The following C1QTNF3 variants were observed in gnomAD, a reference collection of about 807,000 sequenced individuals.
The protein encoded by C1QTNF3 is C1q and TNF related 3, also known as complement C1q tumor necrosis factor-related protein 3.
A neutral mutation model predicts 32.6 loss-of-function variants in C1QTNF3; 26 were observed. The observed-to-expected ratio is 0.80, with a 90% CI of 0.58 to 1.11. The LOEUF (loss-of-function observed/expected upper bound fraction) is 1.11, where lower values mean the gene tolerates loss of function less well. C1QTNF3 is among the 50% of genes least tolerant of loss of function. C1QTNF3 has a pLI of 0.00. For synonymous variants in C1QTNF3, 155 were observed against 146.0 expected, an observed-to-expected ratio of 1.06 and a Z score of -0.44; for missense variants, 362 against 398.2, an observed-to-expected ratio of 0.91 and a Z score of 0.77.
chr5:34,201,417 C>T, the C1QTNF3 span, among the ~76,000 whole-genome samples: 42 of 152,214 alleles, frequency 2.8e-4, no homozygotes, highest in African/African-American at 9.4e-4. Context: ...TTTTCCAAAA[C>T]GCTCTACTTT....
At chr5:34,076,025 GAC>G in the C1QTNF3 span, among the ~76,000 whole-genome samples, 1 of 151,568 alleles carries the variant, frequency 6.6e-6, no homozygotes, top group Non-Finnish European at 1.5e-5. Context: ...GTCACAAAAA[GAC>G]AAACACTGAA....
chr5:34,215,265 C>T, the C1QTNF3 span, among the ~76,000 whole-genome samples: 3 of 152,072 alleles, frequency 2.0e-5, no homozygotes, highest in South Asian at 6.2e-4. Flanking sequence ...GACATATGTC[C>T]TGTGTAAGCC....
the C1QTNF3 span, among the ~76,000 whole-genome samples, chr5:34,129,202 T>C: frequency 4.6e-5 from 7 of 152,190 alleles, no homozygotes; most frequent in East Asian, 1.4e-3. Flanking sequence ...CTGAGGCCTC[T>C]CCAGCCTCAG....
chr5:34,201,799 C>T, the C1QTNF3 span, among the ~76,000 whole-genome samples: 1 of 152,176 alleles, frequency 6.6e-6, no homozygotes, highest in African/African-American at 2.4e-5. Flanking sequence ...GCAGAAAGTG[C>T]ATTTCATACA....
At chr5:34,074,767 G>A in the C1QTNF3 span, among the ~76,000 whole-genome samples, 1 of 151,404 alleles carries the variant, frequency 6.6e-6, no homozygotes, top group Non-Finnish European at 1.5e-5. Flanking sequence ...AAGGCACTAA[G>A]AATATGATAC....
At chr5:34,107,466 CAAT>C in the C1QTNF3 span, among the ~76,000 whole-genome samples, 6 of 151,898 alleles carry the variant, frequency 4.0e-5, no homozygotes, top group Non-Finnish European at 8.8e-5. Flanking sequence ...ATGATAATGA[CAAT>C]AACTGTCATC....
the C1QTNF3 span, among the ~76,000 whole-genome samples, chr5:34,121,913 A>T: frequency 9.9e-5 from 15 of 152,140 alleles, 1 homozygote; most frequent in Admixed American, 9.8e-4. Flanking sequence ...TTATAGCAAA[A>T]AAACAGATGT....
the C1QTNF3 span, among the ~76,000 whole-genome samples, chr5:34,093,834 C>T: frequency 1.4e-3 from 212 of 152,284 alleles, 1 homozygote; most frequent in African/African-American, 4.5e-3. Context: ...TGAAACACGG[C>T]GGGGTTAGCC....
At chr5:34,221,795 T>A in the C1QTNF3 span, among the ~76,000 whole-genome samples, 1 of 152,068 alleles carries the variant, frequency 6.6e-6, no homozygotes, top group African/African-American at 2.4e-5. Context: ...TTTCTAATCA[T>A]CCTGGATTTC....
the C1QTNF3 span, among the ~76,000 whole-genome samples, chr5:34,157,520 G>A: frequency 6.6e-6 from 1 of 152,182 alleles, no homozygotes; most frequent in Non-Finnish European, 1.5e-5. Flanking sequence ...AGATTTTGTA[G>A]ATGTGATTAA....
the C1QTNF3 span, among the ~76,000 whole-genome samples, chr5:34,153,982 T>C: frequency 2.6e-5 from 4 of 151,912 alleles, no homozygotes; most frequent in East Asian, 7.7e-4. Flanking sequence ...AATTAGATAG[T>C]ATAGATTAAT....
At chr5:34,159,530 G>A in the C1QTNF3 span, among the ~76,000 whole-genome samples, 592 of 152,144 alleles carry the variant, frequency 3.9e-3, 1 homozygote, top group Middle Eastern at 0.02. Context: ...TTTGGCAAAA[G>A]AAAGATGCAC....
chr5:34,243,024 G>A, the C1QTNF3 span, among the ~76,000 whole-genome samples: 1 of 148,376 alleles, frequency 6.7e-6, no homozygotes, highest in East Asian at 2.0e-4. Flanking sequence ...GCTAATGCAT[G>A]CTAGGCTTAA....
At chr5:34,133,701 C>T in the C1QTNF3 span, among the ~76,000 whole-genome samples, 2 of 152,132 alleles carry the variant, frequency 1.3e-5, no homozygotes, top group Non-Finnish European at 2.9e-5. Context: ...ATCAATTCTA[C>T]CATCATAGCA....
intron 1 of C1QTNF3, among the ~76,000 whole-genome samples, chr5:34,042,585 G>A: frequency 6.6e-6 from 1 of 152,180 alleles, no homozygotes; most frequent in African/African-American, 2.4e-5. Context: ...CTGATGGGGT[G>A]ATGCTACGGC....
the C1QTNF3 span, among the ~76,000 whole-genome samples, chr5:34,138,480 G>A: frequency 6.6e-6 from 1 of 151,924 alleles, no homozygotes; most frequent in Non-Finnish European, 1.5e-5. Context: ...TTGAAACCTA[G>A]AAAGGTTTGA....
At chr5:34,028,003 C>T (rs960690042) in intron 4 of C1QTNF3, among the ~76,000 whole-genome samples, 5 of 151,404 alleles carry the variant, frequency 3.3e-5, no homozygotes, top group African/African-American at 7.3e-5. Flanking sequence ...GACGGAGTCT[C>T]GCTCTGTCGC....
chr5:34,103,418 T>C, the C1QTNF3 span, among the ~76,000 whole-genome samples: 1 of 151,776 alleles, frequency 6.6e-6, no homozygotes, highest in African/African-American at 2.4e-5. Flanking sequence ...TCCTCATGTG[T>C]GTTCTTTAGA....
the C1QTNF3 span, among the ~76,000 whole-genome samples, chr5:34,052,056 C>A: frequency 6.6e-6 from 1 of 152,062 alleles, no homozygotes; most frequent in Non-Finnish European, 1.5e-5. Context: ...GAGAGTTGCT[C>A]GAACCCCGGA....
Sources: allele counts gnomAD v4.1 joint callset (sites outside exome capture counted in the v4.1 genomes callset), GRCh38; gene constraint gnomAD v4.1.1; transcripts MANE v1.5; gene names NCBI Gene and HGNC (gene_info 2026-07-23, HGNC 2026-07-21).